Variants in NOM1 observed in about 807,000 individuals in gnomAD.
NOM1 encodes the protein nucleolar MIF4G domain-containing protein 1.
A neutral mutation model predicts 73.3 loss-of-function variants in NOM1; 58 were observed. The observed-to-expected ratio is 0.79, with a 90% CI of 0.64 to 0.99. The LOEUF is 0.99. NOM1 is among the 50% of genes least tolerant of loss of function. The pLI is 0.00. For missense variants in NOM1, 1,226 were observed against 1,131.9 expected, an observed-to-expected ratio of 1.08 and a Z score of -1.19; for synonymous variants, 487 against 446.8, an observed-to-expected ratio of 1.09 and a Z score of -1.14.
At chr7:156,965,297 C>T (rs138450120) in intron 7 of NOM1, among the ~76,000 whole-genome samples, 8 of 152,346 alleles carry the variant, frequency 5.3e-5, no homozygotes, top group Non-Finnish European at 1.0e-4. Flanking sequence ...AACCATGAGA[C>T]GCCGTCTAAG....
rs145439145 is a variant in NOM1 at position 156,960,028 on chromosome 7, G to C, written c.1486G>C (p.Glu496Gln). The C allele has an allele frequency of 8.7e-4, 1,405 of 1,614,066 alleles. 4 individuals carry two copies. Among genetic ancestry groups the C allele is most frequent in the South Asian group, 2.2e-3 (203 of 91,084 alleles). Residue 496 changes from glutamate (E) to glutamine (Q), a missense_variant, in exon 4 of 11, where the codon GAA becomes CAA. By Grantham distance (29) the Glu-to-Gln change is conservative. Coordinates refer to ENST00000275820, the MANE Select transcript of NOM1 (RefSeq NM_138400.2). ...GAAAAAACTGATTGGAACTTTCACC[G>C]AAAAAGATATTGAACTGATCTTGTT... ...ILKKLIGTFTEKDIELILLML... is the reference protein window; with the variant it reads ...ILKKLIGTFTQKDIELILLML...
chr7:156,963,059 A>T lies in NOM1; in HGVS notation c.1795A>T (p.Ser599Cys). ...GACGCAGCTTCGCGTCTCCTGGGAC[A>T]GTGTCTTGAGTGCGGAGCAGACGGG... ...SETQLRVSWD[S>C]VLSAEQTGRW... The change falls in exon 6 of 11, where the codon AGT becomes TGT. Residue 599 changes from serine (S) to cysteine (C), a missense_variant. Physicochemically the swap from Ser to Cys is moderately radical, Grantham distance 112. Coordinates refer to ENST00000275820, the MANE Select transcript of NOM1 (RefSeq NM_138400.2). 6.2e-7 allele frequency: 1 copy of T among 1,614,220 alleles called. No individual in the cohort carries two copies. Among genetic ancestry groups the T allele is most frequent in the Non-Finnish European group, 8.5e-7 (1 of 1,180,014 alleles).
chr7:156,963,655 A>T lies in NOM1; in HGVS notation c.1912-250A>T, dbSNP rs187912666. The T allele has an allele frequency of 1.8e-3, 744 of 409,208 alleles. 5 individuals carry two copies. The highest frequency in any genetic ancestry group is 0.016 in the Admixed American group (404 of 24,872). 25.3% of individuals were successfully genotyped at this position (409,208 alleles called of 1,614,324 possible). ...CAGTGACTGGTTCTCTGTTTTATTC[A>T]TCGTCGCTTGCCCTGAGGTTGAACC... On this transcript the variant is annotated intron_variant, in intron 6 of 10. Transcript: ENST00000275820.
intron 6 of NOM1, 99 bp downstream of exon 6, chr7:156,963,274 T>C: frequency 7.9e-7 from 1 of 1,265,698 alleles, no homozygotes; most frequent in South Asian, 1.2e-5. Flanking sequence ...TGTTCTTGAA[T>C]GGTCACTGAA....
At chr7:156,953,533 C>G (rs1371707745) in intron 2 of NOM1, among the ~76,000 whole-genome samples, 1 of 152,170 alleles carries the variant, frequency 6.6e-6, no homozygotes, top group Non-Finnish European at 1.5e-5. Flanking sequence ...TCACCCACCC[C>G]CTTCCCCCTT....
At chr7:156,951,575 A>G (rs982594217) in intron 1 of NOM1, among the ~76,000 whole-genome samples, 5 of 152,176 alleles carry the variant, frequency 3.3e-5, no homozygotes, top group East Asian at 1.9e-4. Flanking sequence ...GCTTCTATGT[A>G]TACAAATATT....
chr7:156,966,323 G>A lies in NOM1; in HGVS notation c.2087G>A (p.Cys696Tyr). The A allele has an allele frequency of 1.2e-6, 2 of 1,614,132 alleles. No individual in the cohort carries two copies. The highest frequency in any genetic ancestry group is 1.1e-5 in the South Asian group (1 of 91,084). Residue 696 changes from cysteine to tyrosine, a missense_variant, in exon 8 of 11, where the codon TGC (cysteine) becomes TAC (tyrosine). Transcript: ENST00000275820. ...EREIIHVLMD[C>Y]CLQEKTYNPF... The stretch of plus-strand genomic sequence containing the variant: ...GAAATCATTCACGTTCTCATGGATT[G>A]CTGCCTTCAAGAGAAAACTTACAAT...
In NOM1 at chr7:156,950,628, G is replaced by C; in HGVS notation, c.891G>C (p.Lys297Asn). 6.4e-7 allele frequency: 1 copy of C among 1,558,788 alleles called. No homozygotes were observed. The highest frequency in any genetic ancestry group is 2.4e-5 in the East Asian group (1 of 41,194). Residue 297 changes from lysine (K) to asparagine (N), a missense_variant, in exon 1 of 11, where the codon AAG becomes AAC. Physicochemically the swap from Lys to Asn is moderately conservative, Grantham distance 94 (BLOSUM62 0). Transcript: ENST00000275820. ...AGGAACAGGGGGAAGAAAAGGAAAA[G>C]GGAGCGCAGGAGAAAAGGAGGGGGA... is the stretch of plus-strand genomic sequence containing the variant. The part of the protein sequence containing the change: ...TEEEQGEEKE[K>N]GAQEKRRGKR...
chr7:156,963,264 T>C lies in NOM1; in HGVS notation c.1911+89T>C, dbSNP rs1230682038. ...GCTTTACCTGGAGCAGCTCTCTTAC[T>C]GTTCTTGAATGGTCACTGAAATGTA... On this transcript the variant is annotated intron_variant, in intron 6 of 10. Coordinates refer to ENST00000275820, the MANE Select transcript of NOM1 (RefSeq NM_138400.2). 3.0e-6 allele frequency: 4 copies of C among 1,339,582 alleles called. No homozygotes were observed. The East Asian group carries it at 9.4e-5, about 31-fold the overall frequency. 83.0% of individuals were successfully genotyped at this position (1,339,582 alleles called of 1,614,324 possible).
chr7:156,965,363 G>A (rs1804968199), intron 7 of NOM1, among the ~76,000 whole-genome samples: 1 of 152,240 alleles, frequency 6.6e-6, no homozygotes, highest in African/African-American at 2.4e-5. Flanking sequence ...CAAGAGCATG[G>A]TGACTCTCGA....
intron 9 of NOM1, 158 bp from the exon 10 acceptor site, chr7:156,968,929 C>A (rs1056536279): frequency 1.7e-6 from 1 of 583,530 alleles, no homozygotes; most frequent in African/African-American, 1.9e-5. Flanking sequence ...TCCTTGCCAA[C>A]AGGTGTTCAT....
At chr7:156,965,386 G>C (rs181838245) in intron 7 of NOM1, among the ~76,000 whole-genome samples, 4 of 152,232 alleles carry the variant, frequency 2.6e-5, no homozygotes, top group Non-Finnish European at 4.4e-5. Context: ...GTATTCTGCC[G>C]TGCAGGAAGC....
rs34176770 is a variant in NOM1 at position 156,954,522 on chromosome 7, C to CTTTTTTTTTTTTTT, written c.1308+231_1308+244dup. Among the ~76,000 whole-genome samples, 16 of 101,652 alleles carry CTTTTTTTTTTTTTT rather than the reference C, an allele frequency of 1.6e-4. 1 individual carries two copies. The highest frequency in any genetic ancestry group is 6.5e-4 in the East Asian group (2 of 3,094). The allele number at this position is 101,652 out of a possible 152,430, so 66.7% of individuals were successfully genotyped here. On this transcript the variant is annotated intron_variant, in intron 3 of 10. Transcript: ENST00000275820. The stretch of plus-strand genomic sequence containing the variant: ...ACTTTGCTTTTTTGTTCTGTCCATT[C>CTTTTTTTTTTTTTT]TTTTTTTTTTTTTTTTTTTTGAGAC...
intron 9 of NOM1, among the ~76,000 whole-genome samples, chr7:156,967,933 G>C (rs900772513): frequency 1.3e-5 from 2 of 152,108 alleles, no homozygotes; most frequent in Non-Finnish European, 2.9e-5. Flanking sequence ...GGAGCGCCTG[G>C]GGGGCAAAGG....
Position 156,950,380 on chromosome 7 carries a change from G to T in NOM1, c.643G>T (p.Gly215Cys), listed in dbSNP as rs920303122. The T allele has an allele frequency of 2.5e-6, 4 of 1,614,246 alleles. No individual in the cohort carries two copies. The East Asian group carries it at 6.7e-5, about 27-fold the overall frequency. ...SSVPLSFARD[G>C]LDYILGALES... ...CGTGCCGCTGAGCTTTGCACGCGACGGTCTTGACTATATTCTGGGAGCCCT... is the reference window on the plus strand; with the variant it reads ...CGTGCCGCTGAGCTTTGCACGCGACTGTCTTGACTATATTCTGGGAGCCCT... The change falls in exon 1 of 11, where the codon GGT becomes TGT. Residue 215 changes from glycine to cysteine, a missense_variant. Gly to Cys is a radical substitution (Grantham distance 159, BLOSUM62 -3). Transcript: ENST00000275820.
intron 4 of NOM1, 83 bp from the exon 5 acceptor site, chr7:156,962,068 T>A (rs1441320412): frequency 9.5e-7 from 1 of 1,056,148 alleles, no homozygotes; most frequent in African/African-American, 1.6e-5. Context: ...GTGCATCAGG[T>A]GTGGTAGATT....
At chr7:156,968,826 G>A (rs193265589) in intron 9 of NOM1, 96 of 357,244 alleles carry the variant, frequency 2.7e-4, no homozygotes, top group African/African-American at 1.5e-3. Context: ...TGTATGACCC[G>A]GGAATTCCAC....
intron 6 of NOM1, 133 bp downstream of exon 6, chr7:156,963,308 CT>C: frequency 2.3e-6 from 2 of 857,006 alleles, no homozygotes; most frequent in Non-Finnish European, 1.9e-6. Flanking sequence ...ATCTGGAGGC[CT>C]TACAGAAATT....
chr7:156,969,049 C>A, intron 9 of NOM1, 38 bp from the exon 10 acceptor site: 2 of 1,126,102 alleles, frequency 1.8e-6, no homozygotes, highest in Non-Finnish European at 2.7e-6. Flanking sequence ...TTGGCTAAAT[C>A]AGTGTAACTT....
Sources: allele counts gnomAD v4.1 joint callset (sites outside exome capture counted in the v4.1 genomes callset), GRCh38; gene constraint gnomAD v4.1.1; transcripts MANE v1.5; gene names NCBI Gene and HGNC (gene_info 2026-07-23, HGNC 2026-07-21).